CADPS: variants seen among roughly 807,000 people sequenced by gnomAD.
CADPS encodes calcium-dependent secretion activator 1.
Under a neutral mutation model 167.3 loss-of-function variants are expected in CADPS, and 57 were observed. The ratio of observed to expected loss-of-function variants is 0.34; its 90% CI spans 0.28 to 0.42. CADPS has a LOEUF of 0.42. Ranked by LOEUF, CADPS falls within the 20% of genes least tolerant of loss-of-function variation. The pLI is 1.00. For synonymous variants in CADPS, 676 were observed against 635.3 expected, an observed-to-expected ratio of 1.06 and a Z score of -0.96; for missense variants, 1,414 against 1,738.1, an observed-to-expected ratio of 0.81 and a Z score of 3.32.
intron 6 of CADPS, among the ~76,000 whole-genome samples, chr3:62,615,248 T>C (rs1319971825): frequency 2.6e-5 from 4 of 152,170 alleles, no homozygotes; most frequent in Non-Finnish European, 5.9e-5. Flanking sequence ...TTTATTGAGA[T>C]GCTGACCCCA....
intron 13 of CADPS, among the ~76,000 whole-genome samples, chr3:62,527,704 C>T (rs2072647707): frequency 6.6e-6 from 1 of 152,284 alleles, no homozygotes; most frequent in Admixed American, 6.5e-5. Flanking sequence ...TGATTTCCAG[C>T]TGCAGCAGGG....
chr3:62,689,866 T>C (rs1329795475), intron 3 of CADPS, among the ~76,000 whole-genome samples: 1 of 151,768 alleles, frequency 6.6e-6, no homozygotes, highest in Non-Finnish European at 1.5e-5. Flanking sequence ...CAATGAGAGA[T>C]GAGGGGGGGC....
At chr3:62,510,191 C>CAACTATCTATCT (rs2067486868) in intron 17 of CADPS, among the ~76,000 whole-genome samples, 1 of 148,266 alleles carries the variant, frequency 6.7e-6, no homozygotes, top group African/African-American at 2.5e-5. Context: ...CCTATTTCTG[C>CAACTATCTATCT]ATCTATCTAT....
intron 1 of CADPS, among the ~76,000 whole-genome samples, chr3:62,815,730 T>C (rs73102752): frequency 0.12 from 17,537 of 152,106 alleles, 1,074 homozygotes; most frequent in Non-Finnish European, 0.13. Context: ...CTGATAGGGC[T>C]TTTAAGTAAA....
chr3:62,776,122 A>G (rs1388301686), intron 1 of CADPS, among the ~76,000 whole-genome samples: 1 of 152,236 alleles, frequency 6.6e-6, no homozygotes, highest in East Asian at 1.9e-4. Flanking sequence ...CTATGCTTCC[A>G]GAACCACTGC....
intron 3 of CADPS, among the ~76,000 whole-genome samples, chr3:62,744,974 T>C (rs2081136880): frequency 6.6e-6 from 1 of 152,156 alleles, no homozygotes. Context: ...CACGATGGGG[T>C]CTTCAGAAAA....
At chr3:62,714,909 A>G (rs1306894935) in intron 3 of CADPS, among the ~76,000 whole-genome samples, 2 of 152,188 alleles carry the variant, frequency 1.3e-5, no homozygotes, top group Non-Finnish European at 2.9e-5. Flanking sequence ...TCAGAGAACA[A>G]TTTAAATTTA....
At chr3:62,784,257 C>T (rs2092143477) in intron 1 of CADPS, among the ~76,000 whole-genome samples, 1 of 152,060 alleles carries the variant, frequency 6.6e-6, no homozygotes, top group Admixed American at 6.6e-5. Flanking sequence ...CTCATAAAAC[C>T]AAATATATAA....
intron 6 of CADPS, among the ~76,000 whole-genome samples, chr3:62,600,684 G>T (rs2059830435): frequency 6.6e-6 from 1 of 152,202 alleles, no homozygotes; most frequent in South Asian, 2.1e-4. Context: ...GGATCCAAAG[G>T]TGAGTGAGAT....
At chr3:62,826,277 T>A (rs2074021870) in intron 1 of CADPS, among the ~76,000 whole-genome samples, 1 of 152,116 alleles carries the variant, frequency 6.6e-6, no homozygotes, top group Admixed American at 6.6e-5. Flanking sequence ...AGGGGTTTGT[T>A]TCAGTAGAGA....
chr3:62,479,501 C>A (rs1172568698), intron 22 of CADPS, among the ~76,000 whole-genome samples: 2 of 152,240 alleles, frequency 1.3e-5, no homozygotes, highest in South Asian at 2.1e-4. Flanking sequence ...CAGATGCCAG[C>A]TGCATTGAAT....
At chr3:62,773,906 A>G (rs1017413225) in intron 1 of CADPS, among the ~76,000 whole-genome samples, 4 of 152,218 alleles carry the variant, frequency 2.6e-5, no homozygotes, top group Admixed American at 2.0e-4. Flanking sequence ...TAATAGACCA[A>G]TCAGCATGCT....
rs780719627 is a variant in CADPS, at chr3:62,399,421, G to A, written c.4047C>T (p.Asp1349=). The A allele has an allele frequency of 2.0e-5, 33 of 1,613,966 alleles. No homozygotes were observed. The highest frequency in any genetic ancestry group is 1.8e-4 in the Admixed American group (11 of 60,004). The change falls in exon 30 of 30, where the codon GAC becomes GAT. Residue 1349 remains aspartate, a synonymous_variant. Coordinates refer to ENST00000383710, the MANE Select transcript of CADPS (RefSeq NM_003716.4). This position sits in a 1 kb window ranked among gnomAD's most constrained non-coding sequence, Gnocchi z 5.6. The stretch of plus-strand genomic sequence containing the variant: ...ACCAAATGGTCTAATCGTCTTCTTC[G>A]TCTTCCTCATCGCTGTCCTTCATGC... The part of the protein sequence containing the change: ...GISMKDSDEE[D]EEDD
chr3:62,637,950 A>T (rs2066623243), intron 6 of CADPS, among the ~76,000 whole-genome samples: 1 of 152,060 alleles, frequency 6.6e-6, no homozygotes. Context: ...ATCAACGTTA[A>T]TGATCACTGT....
At chr3:62,711,205 A>G (rs1204531717) in intron 3 of CADPS, among the ~76,000 whole-genome samples, 1 of 152,210 alleles carries the variant, frequency 6.6e-6, no homozygotes, top group Non-Finnish European at 1.5e-5. Context: ...TTTAAACATC[A>G]TTTTTAATAA....
Position 62,544,841 on chromosome 3 carries a change from C to G in CADPS, c.1966+5062G>C. Reference sequence around the variant, plus strand: ...CTGAGCTGTGCTAGCTATAGGGGAGCACTTACCCTTCAGTCCAGCTAGAAG... The same window carrying G: ...CTGAGCTGTGCTAGCTATAGGGGAGGACTTACCCTTCAGTCCAGCTAGAAG... On this transcript the variant is annotated intron_variant, in intron 11 of 29. Transcript: ENST00000383710. This position sits in a 1 kb window ranked among gnomAD's most constrained non-coding sequence, Gnocchi z 4.4. The G allele has an allele frequency of 8.0e-7, 1 of 1,243,046 alleles. No homozygotes were observed. Among genetic ancestry groups the G allele is most frequent in the Non-Finnish European group, 1.0e-6 (1 of 966,998 alleles). The allele number at this position is 1,243,046 out of a possible 1,614,324, so 77.0% of individuals were successfully genotyped here.
At chr3:62,462,999 G>A in intron 26 of CADPS, among the ~76,000 whole-genome samples, 1 of 152,200 alleles carries the variant, frequency 6.6e-6, no homozygotes, top group East Asian at 1.9e-4. Flanking sequence ...TGGGAGAAGT[G>A]TCACTAAGGA....
At chr3:62,595,687 C>T (rs1373248117) in intron 6 of CADPS, among the ~76,000 whole-genome samples, 1 of 152,028 alleles carries the variant, frequency 6.6e-6, no homozygotes, top group African/African-American at 2.4e-5. Flanking sequence ...ATATTTATAG[C>T]TATGATGGTT....
chr3:62,776,337 A>AT (rs2090290487), intron 1 of CADPS, among the ~76,000 whole-genome samples: 1 of 152,204 alleles, frequency 6.6e-6, no homozygotes, highest in African/African-American at 2.4e-5. Flanking sequence ...AATGTTTTGC[A>AT]TAGGAGAGTG....
Sources: allele counts gnomAD v4.1 joint callset (sites outside exome capture counted in the v4.1 genomes callset), GRCh38; gene constraint gnomAD v4.1.1; non-coding constraint Gnocchi (gnomAD v3.1); transcripts MANE v1.5; gene names NCBI Gene and HGNC (gene_info 2026-07-23, HGNC 2026-07-21).